The following CERS2 variants were observed in gnomAD, a reference collection of about 807,000 sequenced individuals.
The protein encoded by CERS2 is ceramide synthase 2, also known as LAG1 homolog, ceramide synthase 2.
CERS2 carries 20 observed loss-of-function variants against 56.6 expected under a neutral mutation model. That is an observed-to-expected ratio of 0.35 (90% CI 0.25 to 0.51). The LOEUF (loss-of-function observed/expected upper bound fraction) is 0.51, where lower values mean the gene tolerates loss of function less well. Among genes scored for constraint, CERS2 ranks in the 20% least tolerant of loss-of-function variants. CERS2 has a pLI of 0.96. For synonymous variants in CERS2, 187 were observed against 175.4 expected (o/e 1.07, Z -0.52); for missense variants, 361 against 488.6 (o/e 0.74, Z 2.46).
intron 1 of CERS2, among the ~76,000 whole-genome samples, chr1:150,971,108 C>T (rs1671169413): frequency 6.6e-6 from 1 of 152,212 alleles, no homozygotes; most frequent in African/African-American, 2.4e-5. Flanking sequence ...TAGGACTCAG[C>T]AAGAAGCCGC....
intron 1 of CERS2, among the ~76,000 whole-genome samples, chr1:150,973,372 G>C (rs1671230910): frequency 6.6e-6 from 1 of 152,226 alleles, no homozygotes; most frequent in Non-Finnish European, 1.5e-5. Context: ...GTGGGTTTGA[G>C]AGACAGCTGG....
In CERS2 at chr1:150,974,776, C is replaced by CCGCGGG. The variant is rs1362302356; in HGVS notation, c.-160_-159insCCCGCG. The CCGCGGG allele has an allele frequency of 3.3e-5, 5 of 153,636 alleles. No individual in the cohort carries two copies. The highest frequency in any genetic ancestry group is 4.3e-5 in the Non-Finnish European group (3 of 69,468). The allele number at this position is 153,636 out of a possible 1,614,324, so 9.5% of individuals were successfully genotyped here. A position where few individuals can be genotyped will look rare whatever the true frequency, so the allele number is the denominator to read the frequency against. On this transcript the variant is annotated 5_prime_UTR_variant, in exon 1 of 11. Transcript: ENST00000368954. ...GCCCTCGCCCTCCCTCCTCCGCCAG[C>CCGCGGG]CGCCGGCGCCGCCGCCGCCGCCCGC...
chr1:150,967,931 G>GC, intron 4 of CERS2, 54 bp from the exon 5 acceptor site: 1 of 1,476,356 alleles, frequency 6.8e-7, no homozygotes, highest in Non-Finnish European at 9.5e-7. Context: ...TCCCCCAGCA[G>GC]CCCCCAAATA....
chr1:150,966,584 G>C lies in CERS2; in HGVS notation c.894C>G (p.Ala298=). The part of the protein sequence containing the change: ...TLVYPLELYP[A]FFGYYFFNSM... The stretch of plus-strand genomic sequence containing the variant: ...AATTGAAGAAGTAATAGCCAAAGAA[G>C]GCAGGATAGAGCTCCAGTGGGTACA... Residue 298 remains alanine (A), a synonymous_variant, in exon 10 of 11, where the codon GCC becomes GCG. Coordinates refer to ENST00000368954, the MANE Select transcript of CERS2 (RefSeq NM_022075.5). The C allele has an allele frequency of 6.2e-7, 1 of 1,614,100 alleles. No individual in the cohort carries two copies. Among genetic ancestry groups the C allele is most frequent in the Non-Finnish European group, 8.5e-7 (1 of 1,180,006 alleles).
intron 1 of CERS2, among the ~76,000 whole-genome samples, chr1:150,970,089 G>A (rs1671138083): frequency 6.6e-6 from 1 of 152,002 alleles, no homozygotes; most frequent in Non-Finnish European, 1.5e-5. Context: ...TTAGCTGGAT[G>A]TGGTGGCACA....
intron 3 of CERS2, 65 bp downstream of exon 3, chr1:150,968,330 C>G: frequency 1.3e-6 from 2 of 1,509,080 alleles, no homozygotes; most frequent in Non-Finnish European, 1.8e-6. Context: ...AGCTAACATT[C>G]AAACCCTGTC....
In CERS2 at chr1:150,969,084, G is replaced by A. The variant is rs1671112173; in HGVS notation, c.7C>T (p.Gln3Ter). ML[Q>*]TLYDYFWWER... The stretch of plus-strand genomic sequence containing the variant: ...CACCAGAAGTAATCATACAAGGTCT[G>A]GAGCATCCTGAGTGAGGGGCAAAGG... Residue 3 changes from glutamine (Q) to a stop codon, truncating the protein, a stop_gained, in exon 2 of 11, where the codon CAG becomes TAG. Coordinates refer to ENST00000368954, the MANE Select transcript of CERS2 (RefSeq NM_022075.5). LOFTEE classifies it high-confidence loss of function. The A allele has an allele frequency of 6.2e-7, 1 of 1,613,880 alleles. No individual in the cohort carries two copies. Among genetic ancestry groups the A allele is most frequent in the Non-Finnish European group, 8.5e-7 (1 of 1,180,030 alleles).
At chr1:150,969,376 C>T (rs1159111577) in intron 1 of CERS2, 3 of 329,450 alleles carry the variant, frequency 9.1e-6, no homozygotes, top group Non-Finnish European at 1.1e-5. Flanking sequence ...GAGTTCGAGA[C>T]CAGCCTGGCC....
Position 150,967,463 on chromosome 1 carries a change from A to G in CERS2, c.541T>C (p.Trp181Arg). ...AAGGAAAGTTCAATCATGTAGTACCAATACTGGGAAGGGATAGTGCTCTGG... is the reference window on the plus strand; with the variant it reads ...AAGGAAAGTTCAATCATGTAGTACCGATACTGGGAAGGGATAGTGCTCTGG... ...PIQSTIPSQY[W>R]YYMIELSFYW... is the part of the protein sequence containing the mutation. Residue 181 changes from tryptophan to arginine, a missense_variant, in exon 7 of 11, where the codon TGG (tryptophan) becomes CGG (arginine). Trp to Arg is a moderately radical substitution (Grantham distance 101). Coordinates refer to ENST00000368954, the MANE Select transcript of CERS2 (RefSeq NM_022075.5). The G allele has an allele frequency of 1.3e-6, 2 of 1,593,392 alleles. No homozygotes were observed. Among genetic ancestry groups the G allele is most frequent in the Non-Finnish European group, 8.6e-7 (1 of 1,161,146 alleles).
chr1:150,966,467 G>C lies in CERS2; in HGVS notation c.1002+9C>G. 1 of 1,614,082 alleles carries C rather than the reference G, an allele frequency of 6.2e-7. No homozygotes were observed. Among genetic ancestry groups the C allele is most frequent in the Non-Finnish European group, 8.5e-7 (1 of 1,180,008 alleles). ...TAGTAAGGCCTACACAATGGGAACAGGGCTTCACCTTTCCAGTTATGAACT... is the reference window on the plus strand; with the variant it reads ...TAGTAAGGCCTACACAATGGGAACACGGCTTCACCTTTCCAGTTATGAACT... On this transcript the variant is annotated intron_variant, in intron 10 of 10. Coordinates refer to ENST00000368954, the MANE Select transcript of CERS2 (RefSeq NM_022075.5).
Position 150,967,158 on chromosome 1 carries a change from G to C in CERS2, c.657C>G (p.Leu219=). 1 of 1,613,606 alleles carries C rather than the reference G, an allele frequency of 6.2e-7. No individual in the cohort carries two copies. The highest frequency in any genetic ancestry group is 1.7e-5 in the Admixed American group (1 of 60,032). Residue 219 remains leucine, a synonymous_variant, in exon 8 of 11, where the codon CTC becomes CTG. Transcript: ENST00000368954. The part of the protein sequence containing the change: ...QIIHHVATII[L]ISFSWFANYI... ...AATTGGCAAACCAGGAAAAGCTGATGAGAATGATGGTGGCCACATGGTGGA... is the reference window on the plus strand; with the variant it reads ...AATTGGCAAACCAGGAAAAGCTGATCAGAATGATGGTGGCCACATGGTGGA...
chr1:150,967,567 T>C, intron 6 of CERS2, 83 bp from the exon 7 acceptor site: 2 of 1,437,334 alleles, frequency 1.4e-6, no homozygotes, highest in Admixed American at 3.3e-5. Context: ...AGGTTCTTCA[T>C]TCCATCACTC....
At chr1:150,970,461 G>A (rs1028586685) in intron 1 of CERS2, among the ~76,000 whole-genome samples, 6 of 152,034 alleles carry the variant, frequency 3.9e-5, no homozygotes, top group Non-Finnish European at 8.8e-5. Flanking sequence ...CCAAGAGAGC[G>A]GACCAATACA....
intron 1 of CERS2, among the ~76,000 whole-genome samples, chr1:150,969,601 A>T (rs1007692621): frequency 1.3e-5 from 2 of 151,562 alleles, no homozygotes; most frequent in African/African-American, 4.8e-5. Context: ...TATTGTCTAC[A>T]GCAACCTGCA....
intron 1 of CERS2, among the ~76,000 whole-genome samples, chr1:150,972,341 G>T (rs1361888576): frequency 1.3e-5 from 2 of 152,186 alleles, no homozygotes; most frequent in African/African-American, 4.8e-5. Flanking sequence ...ATTCAGCAGG[G>T]TCAGGACCTC....
chr1:150,974,286 C>G (rs1002108658), intron 1 of CERS2: 1 of 152,126 alleles, frequency 6.6e-6, no homozygotes, highest in South Asian at 2.1e-4. Context: ...CCCCGTCGCC[C>G]GCAGCCCCCG....
intron 9 of CERS2, 50 bp from the exon 10 acceptor site, chr1:150,966,679 G>A (rs1321548580): frequency 9.3e-6 from 15 of 1,607,472 alleles, no homozygotes; most frequent in Admixed American, 3.3e-5. Flanking sequence ...GTCAGACACC[G>A]GGGAGATACA....
chr1:150,971,987 G>T (rs894234760), intron 1 of CERS2: 2 of 457,052 alleles, frequency 4.4e-6, no homozygotes, highest in Non-Finnish European at 9.2e-6. Flanking sequence ...CTCTAGTCAG[G>T]CGGCAGGCTG....
intron 1 of CERS2, among the ~76,000 whole-genome samples, chr1:150,972,501 G>C (rs992407347): frequency 1.3e-5 from 2 of 152,222 alleles, no homozygotes; most frequent in Non-Finnish European, 2.9e-5. Flanking sequence ...CCATAAACAA[G>C]AGGCTGGGGC....
Sources: gnomAD v4.1 joint callset for allele counts (sites outside exome capture counted in the v4.1 genomes callset) on GRCh38, gnomAD v4.1.1 for gene constraint, MANE v1.5 for transcripts, NCBI Gene and HGNC (gene_info 2026-07-23, HGNC 2026-07-21) for gene names.